FBN1: variants seen among roughly 807,000 people sequenced by gnomAD.
FBN1 encodes the protein fibrillin 1, also known as fibrillin-1.
In FBN1, 29 loss-of-function variants were observed where a neutral mutation model predicts 365.1. The ratio of observed to expected loss-of-function variants is 0.08; its 90% CI spans 0.06 to 0.11. The LOEUF (loss-of-function observed/expected upper bound fraction) is 0.11, where lower values mean the gene tolerates loss of function less well. Among genes scored for constraint, FBN1 ranks in the 10% least tolerant of loss-of-function variants. The pLI is 1.00. For synonymous variants in FBN1, 1,210 were observed against 1,270.5 expected (o/e 0.95, Z 1.01); for missense variants, 2,476 against 3,703.2 (o/e 0.67, Z 8.60).
intron 34 of FBN1, 93 bp downstream of exon 34, chr15:48,474,162 C>T: frequency 3.2e-6 from 5 of 1,560,048 alleles, no homozygotes; most frequent in Non-Finnish European, 4.4e-6. Context: ...ATTAACTGAC[C>T]CAGTCTTCAA....
chr15:48,487,021 A>AACATT (rs2043512819), intron 29 of FBN1, 54 bp downstream of exon 29: 2 of 1,248,694 alleles, frequency 1.6e-6, no homozygotes, highest in African/African-American at 3.2e-5. Context: ...AACATAACAT[A>AACATT]ACATAAAATA....
chr15:48,479,906 T>C lies in FBN1; in HGVS notation c.3964+1749A>G, dbSNP rs535461071. ...AATGAAACAACAAAACAATGGACAATAGATATAGACTAGAAGCAATGGCTT... is the reference window on the plus strand; with the variant it reads ...AATGAAACAACAAAACAATGGACAACAGATATAGACTAGAAGCAATGGCTT... On this transcript the variant is annotated intron_variant, in intron 32 of 65. Coordinates refer to ENST00000316623, the MANE Select transcript of FBN1 (RefSeq NM_000138.5). 8.5e-5 allele frequency among the ~76,000 whole-genome samples: 13 copies of C among 152,208 alleles called. No homozygotes were observed. The Middle Eastern group carries it at 0.01, about 119-fold the overall frequency.
chr15:48,536,813 G>A (rs1351206504), intron 7 of FBN1, among the ~76,000 whole-genome samples: 3 of 152,144 alleles, frequency 2.0e-5, no homozygotes, highest in African/African-American at 2.4e-5. Flanking sequence ...ACAAAACAAC[G>A]CCAAAGTATT....
intron 2 of FBN1, among the ~76,000 whole-genome samples, chr15:48,629,874 T>C (rs1889951763): frequency 6.6e-6 from 1 of 152,232 alleles, no homozygotes; most frequent in African/African-American, 2.4e-5. Context: ...GTTTTCTGTT[T>C]TCGTTCACTT....
intron 46 of FBN1, among the ~76,000 whole-genome samples, chr15:48,448,000 T>C (rs558826936): frequency 3.7e-4 from 56 of 152,278 alleles, no homozygotes; most frequent in African/African-American, 1.3e-3. Flanking sequence ...TCATAGCTTT[T>C]ACACAGGTTA....
At chr15:48,553,747 T>A (rs2044159991) in intron 6 of FBN1, among the ~76,000 whole-genome samples, 1 of 152,184 alleles carries the variant, frequency 6.6e-6, no homozygotes, top group Admixed American at 6.6e-5. Flanking sequence ...ATGACAAGTC[T>A]GATTTGAGAG....
At chr15:48,574,040 A>G (rs530430314) in intron 6 of FBN1, among the ~76,000 whole-genome samples, 12 of 152,340 alleles carry the variant, frequency 7.9e-5, no homozygotes, top group African/African-American at 2.6e-4. Flanking sequence ...AGCAGAGACC[A>G]TGAAGCTGTG....
intron 36 of FBN1, 36 bp downstream of exon 36, chr15:48,470,598 C>A (rs1390396966): frequency 1.2e-6 from 2 of 1,613,112 alleles, no homozygotes; most frequent in Non-Finnish European, 1.7e-6. Flanking sequence ...CCCCGGGACA[C>A]CAGGGAGCTG....
intron 9 of FBN1, among the ~76,000 whole-genome samples, chr15:48,521,937 G>C (rs1336156380): frequency 6.6e-6 from 1 of 152,234 alleles, no homozygotes; most frequent in East Asian, 1.9e-4. Context: ...AGCAGGGGGT[G>C]AGCGGCAGGT....
intron 2 of FBN1, among the ~76,000 whole-genome samples, chr15:48,617,248 C>T (rs930278980): frequency 5.9e-5 from 9 of 151,936 alleles, no homozygotes; most frequent in Non-Finnish European, 7.4e-5. Flanking sequence ...GATCTCGGCT[C>T]ACCTCAACCT....
intron 8 of FBN1, among the ~76,000 whole-genome samples, chr15:48,527,212 G>A (rs1413058004): frequency 6.6e-6 from 1 of 152,234 alleles, no homozygotes. Flanking sequence ...GGCCAAAGCT[G>A]GGGTTAGCCC....
chr15:48,542,247 A>G (rs1382977942), intron 6 of FBN1, among the ~76,000 whole-genome samples: 1 of 152,258 alleles, frequency 6.6e-6, no homozygotes, highest in East Asian at 1.9e-4. Context: ...ATTCTGTGGT[A>G]CAATGAATTC....
chr15:48,605,279 A>G (rs1182995614), intron 4 of FBN1, among the ~76,000 whole-genome samples: 10 of 152,216 alleles, frequency 6.6e-5, no homozygotes. Flanking sequence ...AGTAAATAAA[A>G]ATAAAACTAT....
intron 6 of FBN1, among the ~76,000 whole-genome samples, chr15:48,589,596 A>ACAT (rs1026166502): frequency 6.7e-6 from 1 of 148,724 alleles, no homozygotes; most frequent in Non-Finnish European, 1.5e-5. Flanking sequence ...TGCTATCTAC[A>ACAT]CATTGTTACT....
At chr15:48,490,236 G>A (rs1266270371) in intron 24 of FBN1, among the ~76,000 whole-genome samples, 158 bp from the exon 25 acceptor site, 2 of 152,102 alleles carry the variant, frequency 1.3e-5, no homozygotes, top group African/African-American at 4.8e-5. Flanking sequence ...CCCAGGCTCT[G>A]GGGTAAGTAT....
At chr15:48,525,990 A>G in intron 9 of FBN1, 140 bp downstream of exon 9, 1 of 1,124,200 alleles carries the variant, frequency 8.9e-7, no homozygotes, top group Admixed American at 1.8e-5. Flanking sequence ...AGGGCAGTCA[A>G]CTGTTTAACA....
At chr15:48,574,575 A>C (rs897193072) in intron 6 of FBN1, among the ~76,000 whole-genome samples, 1 of 152,204 alleles carries the variant, frequency 6.6e-6, no homozygotes, top group Non-Finnish European at 1.5e-5. Context: ...CAAAAAAAAA[A>C]AAACATATTA....
chr15:48,520,881 C>T (rs977304852), intron 9 of FBN1, 64 bp from the exon 10 acceptor site: 33 of 1,605,114 alleles, frequency 2.1e-5, no homozygotes, highest in South Asian at 1.7e-4. Context: ...ACAACACTCC[C>T]CTGCCCGAGC....
At chr15:48,525,717 T>C (rs918487577) in intron 9 of FBN1, among the ~76,000 whole-genome samples, 3 of 152,130 alleles carry the variant, frequency 2.0e-5, no homozygotes, top group Non-Finnish European at 2.9e-5. Flanking sequence ...TCTGACAAGA[T>C]GGATTGTAGA....
Sources: gnomAD v4.1 joint callset for allele counts (sites outside exome capture counted in the v4.1 genomes callset) on GRCh38, gnomAD v4.1.1 for gene constraint, MANE v1.5 for transcripts, NCBI Gene and HGNC (gene_info 2026-07-23, HGNC 2026-07-21) for gene names.